ANKS1B: variants seen among roughly 807,000 people sequenced by gnomAD.
The protein encoded by ANKS1B is ankyrin repeat and sterile alpha motif domain containing 1B.
In ANKS1B, 36 loss-of-function variants were observed where a neutral mutation model predicts 148.3. That is an observed-to-expected ratio of 0.24 (90% confidence interval 0.19 to 0.32). The LOEUF is 0.32. ANKS1B is among the 10% of genes least tolerant of loss of function. ANKS1B has a pLI of 1.00. For missense variants in ANKS1B, 1,157 were observed against 1,542.6 expected (o/e 0.75, Z 4.19); for synonymous variants, 542 against 560.8 (o/e 0.97, Z 0.47).
rs543447952 is a variant in ANKS1B, at chr12:99,436,505, T to C, written c.1575+7168A>G. On this transcript the variant is annotated intron_variant, in intron 11 of 26. Transcript: ENST00000683438. Reference sequence around the variant, plus strand: ...TGCAACCCAATACAATATTCTGTACTCTTTCCAAGTTATATGCCTCTGTTT... The same window carrying C: ...TGCAACCCAATACAATATTCTGTACCCTTTCCAAGTTATATGCCTCTGTTT... Among the ~76,000 whole-genome samples the C allele has an allele frequency of 3.3e-5, 5 of 152,194 alleles. No homozygotes were observed. In the South Asian group the frequency reaches 8.3e-4, roughly 25 times the overall value.
chr12:99,235,409 C>T (rs891211177), intron 14 of ANKS1B, among the ~76,000 whole-genome samples: 2 of 152,048 alleles, frequency 1.3e-5, no homozygotes, highest in African/African-American at 2.4e-5. Flanking sequence ...TACTATCACA[C>T]GGGGCAGCCA....
intron 2 of ANKS1B, 63 bp from the exon 3 acceptor site, chr12:99,812,374 A>T: frequency 6.7e-7 from 1 of 1,494,940 alleles, no homozygotes; most frequent in Non-Finnish European, 9.1e-7. Flanking sequence ...TTAAATAGGT[A>T]ATTTTAAAAG....
At chr12:99,420,493 G>A (rs1594452547) in intron 11 of ANKS1B, among the ~76,000 whole-genome samples, 1 of 152,132 alleles carries the variant, frequency 6.6e-6, no homozygotes, top group African/African-American at 2.4e-5. Flanking sequence ...ATAAAAATTT[G>A]TGTCATAATA....
At chr12:99,405,396 A>G (rs2152631872) in intron 11 of ANKS1B, among the ~76,000 whole-genome samples, 1 of 146,198 alleles carries the variant, frequency 6.8e-6, no homozygotes, top group African/African-American at 2.6e-5. Flanking sequence ...GTAGGGGGAC[A>G]AAGTTAATGG....
Position 98,882,591 on chromosome 12 carries a change from C to G in ANKS1B, c.2779-50455G>C, listed in dbSNP as rs561228538. ...TACTGTGTACTTTCTCAAGAATGCA[C>G]AGTAAGTAAATCAACAGTTTGTTTA... On this transcript the variant is annotated intron_variant, in intron 17 of 26. Transcript: ENST00000683438. Among the ~76,000 whole-genome samples the G allele has an allele frequency of 6.6e-5, 10 of 152,196 alleles. No individual in the cohort carries two copies. The East Asian group carries it at 1.9e-3, about 29-fold the overall frequency.
At position 99,091,030 on chromosome 12, in the gene ANKS1B, A is replaced by C. The variant is rs149602920; in HGVS notation, c.2527-6007T>G. On this transcript the variant is annotated intron_variant, in intron 15 of 26. Coordinates refer to ENST00000683438, the MANE Select transcript of ANKS1B (RefSeq NM_001352186.2). ...AACATATTCTGTCTACCGCAATAAA[A>C]TTTCTTGCATACAACTTAAGTAAAT... 6.9e-4 allele frequency among the ~76,000 whole-genome samples: 105 copies of C among 152,258 alleles called. 1 individual carries two copies. The highest frequency in any genetic ancestry group is 2.5e-3 in the African/African-American group (103 of 41,574).
chr12:99,318,693 T>C (rs563879937), intron 12 of ANKS1B, among the ~76,000 whole-genome samples: 3 of 152,302 alleles, frequency 2.0e-5, no homozygotes, highest in East Asian at 3.9e-4. Context: ...TGATCTTAGT[T>C]ATTTCTTGCC....
At chr12:99,588,485 C>A (rs569575474) in intron 9 of ANKS1B, among the ~76,000 whole-genome samples, 1 of 151,494 alleles carries the variant, frequency 6.6e-6, no homozygotes, top group East Asian at 1.9e-4. Context: ...GGTGCCATCT[C>A]GGCTCACTGC....
At chr12:99,320,397 A>C (rs956314260) in intron 12 of ANKS1B, among the ~76,000 whole-genome samples, 4 of 151,992 alleles carry the variant, frequency 2.6e-5, no homozygotes, top group Admixed American at 1.3e-4. Flanking sequence ...ATTTCTTTTT[A>C]ATCTTTTTCC....
intron 19 of ANKS1B, among the ~76,000 whole-genome samples, chr12:98,811,957 A>G (rs1415768004): frequency 6.6e-6 from 1 of 152,224 alleles, no homozygotes; most frequent in East Asian, 1.9e-4. Flanking sequence ...TTCATTAAAA[A>G]AAATCATATA....
chr12:99,303,526 T>C (rs1437299345), intron 12 of ANKS1B, among the ~76,000 whole-genome samples: 2 of 151,966 alleles, frequency 1.3e-5, no homozygotes, highest in African/African-American at 4.8e-5. Flanking sequence ...CCTAGAGAGG[T>C]AGACAAATTT....
chr12:99,100,389 T>C (rs1283643499), intron 15 of ANKS1B, among the ~76,000 whole-genome samples: 1 of 152,174 alleles, frequency 6.6e-6, no homozygotes, highest in African/African-American at 2.4e-5. Context: ...TTTCACAACA[T>C]TTACTGAAGT....
intron 8 of ANKS1B, among the ~76,000 whole-genome samples, chr12:99,685,853 C>A (rs776627046): frequency 6.6e-6 from 1 of 151,926 alleles, no homozygotes; most frequent in Non-Finnish European, 1.5e-5. Flanking sequence ...GAGTTGGAGA[C>A]CATTACCTTG....
intron 17 of ANKS1B, among the ~76,000 whole-genome samples, chr12:98,897,568 A>G (rs1005441732): frequency 3.3e-5 from 5 of 152,188 alleles, no homozygotes; most frequent in African/African-American, 1.2e-4. Context: ...AAAAAATAAC[A>G]GATGTTGGTG....
intron 17 of ANKS1B, among the ~76,000 whole-genome samples, chr12:98,932,446 G>A (rs1369304867): frequency 6.6e-6 from 1 of 152,136 alleles, no homozygotes; most frequent in East Asian, 1.9e-4. Context: ...TTTTGTGTTT[G>A]TGGAAGGGAA....
intron 9 of ANKS1B, among the ~76,000 whole-genome samples, chr12:99,551,943 C>T (rs904971903): frequency 4.6e-5 from 7 of 152,070 alleles, no homozygotes; most frequent in Non-Finnish European, 8.8e-5. Flanking sequence ...GCCACCTCCC[C>T]CCACCACACA....
chr12:98,785,447 G>C (rs1235524387), intron 22 of ANKS1B, among the ~76,000 whole-genome samples: 1 of 152,052 alleles, frequency 6.6e-6, no homozygotes, highest in Non-Finnish European at 1.5e-5. Flanking sequence ...TCCAGCCTGG[G>C]CAACAGAGTG....
intron 25 of ANKS1B, among the ~76,000 whole-genome samples, chr12:98,756,893 A>AATTTTTTTTTTTTT (rs2098261434): frequency 6.6e-6 from 1 of 151,410 alleles, no homozygotes; most frequent in South Asian, 2.1e-4. Flanking sequence ...ACGCCTGGCT[A>AATTTTTTTTTTTTT]CTTTTTTGTA....
At position 99,555,286 on chromosome 12, in the gene ANKS1B, G is replaced by A. The variant is rs1227996365; in HGVS notation, c.1273-50645C>T. 2.6e-5 allele frequency among the ~76,000 whole-genome samples: 4 copies of A among 152,036 alleles called. No individual in the cohort carries two copies. In the South Asian group the frequency reaches 6.2e-4, roughly 24 times the overall value. ...TTACATTCCCACAAGCAGTATACAA[G>A]CATTCTCTGTTCTCTGTTTGCTGAA... On this transcript the variant is annotated intron_variant, in intron 9 of 26. Coordinates refer to ENST00000683438, the MANE Select transcript of ANKS1B (RefSeq NM_001352186.2).
Sources: allele counts gnomAD v4.1 joint callset (sites outside exome capture counted in the v4.1 genomes callset), GRCh38; gene constraint gnomAD v4.1.1; transcripts MANE v1.5; gene names NCBI Gene and HGNC (gene_info 2026-07-23, HGNC 2026-07-21).